Variants in SKAP1 observed in about 807,000 individuals in gnomAD.
The protein encoded by SKAP1 is src kinase-associated phosphoprotein 1.
SKAP1 carries 44 observed loss-of-function variants against 58.5 expected under a neutral mutation model. The observed-to-expected ratio is 0.75, with a 90% CI of 0.59 to 0.97. SKAP1 has a LOEUF of 0.97. SKAP1 is among the 50% of genes least tolerant of loss of function. The pLI is 0.00. For synonymous variants in SKAP1, 127 were observed against 149.7 expected, an observed-to-expected ratio of 0.85 and a Z score of 1.11; for missense variants, 390 against 435.2, an observed-to-expected ratio of 0.90 and a Z score of 0.92.
chr17:48,314,349 G>A (rs943489080), intron 4 of SKAP1, among the ~76,000 whole-genome samples: 1 of 152,166 alleles, frequency 6.6e-6, no homozygotes, highest in African/African-American at 2.4e-5. Context: ...CACCGATAAA[G>A]TCAAATCACC....
In SKAP1 at chr17:48,235,636, T is replaced by TTTAA. The variant is rs552375399; in HGVS notation, c.281-46140_281-46137dup. Among the ~76,000 whole-genome samples the TTTAA allele has an allele frequency of 3.4e-3, 522 of 152,216 alleles. 3 individuals are homozygous for TTTAA. The highest frequency in any genetic ancestry group is 5.6e-3 in the Non-Finnish European group (384 of 67,992). ...TAAAGTAGGACAAGCATGAGAGAGG[T>TTTAA]TTAATGCCATGAAATCTTTCAGTAG... On this transcript the variant is annotated intron_variant, in intron 4 of 12. Transcript: ENST00000336915.
chr17:48,329,413 C>T (rs2066476386), intron 4 of SKAP1, among the ~76,000 whole-genome samples: 1 of 152,052 alleles, frequency 6.6e-6, no homozygotes, highest in South Asian at 2.1e-4. Flanking sequence ...GGAGGAGTAA[C>T]AATCAACGTG....
At chr17:48,432,091 T>G (rs1323540795), upstream of SKAP1, among the ~76,000 whole-genome samples, 3 of 152,204 alleles carry the variant, frequency 2.0e-5, no homozygotes, top group Non-Finnish European at 4.4e-5. Flanking sequence ...TGAGCCTCTC[T>G]GGGGTATCTG....
At chr17:48,430,317 G>A (rs1198617106), upstream of SKAP1, 3 of 279,456 alleles carry the variant, frequency 1.1e-5, no homozygotes, top group Non-Finnish European at 2.0e-5. Context: ...GGACCGGAAC[G>A]GGGCGCGGGG....
chr17:48,371,264 C>T (rs2067081601), intron 2 of SKAP1, among the ~76,000 whole-genome samples: 1 of 152,008 alleles, frequency 6.6e-6, no homozygotes, highest in Non-Finnish European at 1.5e-5. Context: ...CACATGTACC[C>T]CCTGTGTCCA....
intron 4 of SKAP1, among the ~76,000 whole-genome samples, chr17:48,328,026 T>C (rs1297296887): frequency 6.6e-6 from 1 of 152,184 alleles, no homozygotes; most frequent in Non-Finnish European, 1.5e-5. Flanking sequence ...AAGAGTTGAA[T>C]ACTGAGAAAC....
chr17:48,153,383 T>C (rs570140489), intron 11 of SKAP1, among the ~76,000 whole-genome samples: 1 of 152,294 alleles, frequency 6.6e-6, no homozygotes, highest in African/African-American at 2.4e-5. Flanking sequence ...TTGGTTCCTG[T>C]CTGGGGGAAA....
chr17:48,434,148 C>T (rs2067930532), upstream of SKAP1, among the ~76,000 whole-genome samples: 2 of 152,220 alleles, frequency 1.3e-5, no homozygotes, highest in Non-Finnish European at 2.9e-5. Context: ...CTCTCAGCCT[C>T]TCGGTCCCAA....
rs184723654 is a variant in SKAP1, at chr17:48,146,691, C to T, written c.979-9354G>A. ...TCACCCAGGCTGGAGTGCAATGGCACGATCTCGGCTCACTGCAACCTCTGC... is the reference window on the plus strand; with the variant it reads ...TCACCCAGGCTGGAGTGCAATGGCATGATCTCGGCTCACTGCAACCTCTGC... On this transcript the variant is annotated intron_variant, in intron 11 of 12. Coordinates refer to ENST00000336915, the MANE Select transcript of SKAP1 (RefSeq NM_003726.4). Among the ~76,000 whole-genome samples the T allele has an allele frequency of 5.0e-3, 762 of 151,838 alleles. 8 individuals are homozygous for T. Among genetic ancestry groups the T allele is most frequent in the Middle Eastern group, 0.017 (5 of 294 alleles).
At chr17:48,221,226 C>G (rs1478823183) in intron 4 of SKAP1, among the ~76,000 whole-genome samples, 1 of 152,042 alleles carries the variant, frequency 6.6e-6, no homozygotes, top group African/African-American at 2.4e-5. Context: ...AAGATTGCAC[C>G]ACTGCACTCC....
chr17:48,379,001 G>T (rs2067182980), intron 2 of SKAP1, among the ~76,000 whole-genome samples: 1 of 152,088 alleles, frequency 6.6e-6, no homozygotes, highest in Non-Finnish European at 1.5e-5. Flanking sequence ...GGTGGGGCTG[G>T]GGTGCCTTCA....
chr17:48,286,009 A>T (rs1291701598), intron 4 of SKAP1, among the ~76,000 whole-genome samples: 1 of 152,252 alleles, frequency 6.6e-6, no homozygotes, highest in Non-Finnish European at 1.5e-5. Context: ...CAGCCAGTAC[A>T]GTGCTTAGCA....
intron 6 of SKAP1, among the ~76,000 whole-genome samples, chr17:48,186,446 G>A (rs1399999849): frequency 6.6e-6 from 1 of 150,772 alleles, no homozygotes; most frequent in Non-Finnish European, 1.5e-5. Flanking sequence ...ACTTAGCAAA[G>A]CTGCAGTTTT....
At chr17:48,143,189 CTTT>C (rs1329483693) in intron 11 of SKAP1, among the ~76,000 whole-genome samples, 4 of 106,318 alleles carry the variant, frequency 3.8e-5, no homozygotes, top group Non-Finnish European at 3.8e-5. Flanking sequence ...AATTCTTTAG[CTTT>C]TTTTTTTTTT....
chr17:48,205,437 A>T (rs1343177675), intron 4 of SKAP1, among the ~76,000 whole-genome samples: 1 of 152,140 alleles, frequency 6.6e-6, no homozygotes, highest in Non-Finnish European at 1.5e-5. Context: ...GAACAAAAAG[A>T]TCAAGAAAAG....
At chr17:48,406,804 G>A (rs1018929669) in intron 1 of SKAP1, among the ~76,000 whole-genome samples, 3 of 152,040 alleles carry the variant, frequency 2.0e-5, no homozygotes, top group African/African-American at 7.2e-5. Context: ...GACCTCAAGT[G>A]ATCCGCCCGC....
In SKAP1 at chr17:48,180,128, A is replaced by C; in HGVS notation, c.752T>G (p.Ile251Ser). The part of the protein sequence containing the change: ...PSCGSQCRPT[I>S]LPGSVGIKEP... ...TTTTATCCCCACACTCCCAGGCAAG[A>C]TAGTGGGTCTGCACTGGGAACCACA... The change falls in exon 9 of 13, where the codon ATC becomes AGC. Residue 251 changes from isoleucine to serine, a missense_variant. Ile to Ser is a moderately radical substitution (Grantham distance 142). Coordinates refer to ENST00000336915, the MANE Select transcript of SKAP1 (RefSeq NM_003726.4). 1 of 1,613,954 alleles carries C rather than the reference A, an allele frequency of 6.2e-7. No individual in the cohort carries two copies. The highest frequency in any genetic ancestry group is 1.1e-5 in the South Asian group (1 of 91,044).
At chr17:48,377,516 T>G (rs1387282318) in intron 2 of SKAP1, 2 of 149,800 alleles carry the variant, frequency 1.3e-5, no homozygotes, top group East Asian at 3.9e-4. Flanking sequence ...AGGTTGAGGC[T>G]GCAGTGAACC....
At chr17:48,394,470 T>C (rs2067390762) in intron 2 of SKAP1, among the ~76,000 whole-genome samples, 1 of 151,744 alleles carries the variant, frequency 6.6e-6, no homozygotes. Context: ...GCCTCCCAAA[T>C]GGCTGGGACC....
Sources: allele counts gnomAD v4.1 joint callset (sites outside exome capture counted in the v4.1 genomes callset), GRCh38; gene constraint gnomAD v4.1.1; transcripts MANE v1.5; gene names NCBI Gene and HGNC (gene_info 2026-07-23, HGNC 2026-07-21).